Variants in IGSF5 observed in about 807,000 individuals in gnomAD.
IGSF5 encodes the protein immunoglobulin superfamily 5 like.
A neutral mutation model predicts 39.4 loss-of-function variants in IGSF5; 41 were observed. That is an observed-to-expected ratio of 1.04 (90% confidence interval 0.81 to 1.35). The LOEUF is 1.35. Among genes scored for constraint, IGSF5 ranks in the 40% most tolerant of loss-of-function variants. The pLI is 0.00. For synonymous variants in IGSF5, 183 were observed against 175.3 expected, an observed-to-expected ratio of 1.04 and a Z score of -0.34; for missense variants, 487 against 494.6, an observed-to-expected ratio of 0.98 and a Z score of 0.15.
At chr21:39,773,055 T>A (rs1478486797) in intron 4 of IGSF5, among the ~76,000 whole-genome samples, 1 of 152,178 alleles carries the variant, frequency 6.6e-6, no homozygotes, top group Non-Finnish European at 1.5e-5. Context: ...GGGATTGTTG[T>A]ACAAATTATT....
At chr21:39,745,598 T>C (rs2079970022) in intron 1 of IGSF5, 72 bp downstream of exon 1, 1 of 707,952 alleles carries the variant, frequency 1.4e-6, no homozygotes, top group Non-Finnish European at 2.6e-6. Context: ...CAGCTACTGC[T>C]GGGAGGTTGG....
the IGSF5 span, among the ~76,000 whole-genome samples, chr21:39,733,454 A>C: frequency 6.6e-6 from 1 of 152,254 alleles, no homozygotes; most frequent in Non-Finnish European, 1.5e-5. Context: ...GGTGCAACTT[A>C]GTGTTTAATA....
intron 5 of IGSF5, among the ~76,000 whole-genome samples, chr21:39,784,159 G>A (rs992714139): frequency 6.6e-6 from 1 of 152,200 alleles, no homozygotes; most frequent in African/African-American, 2.4e-5. Flanking sequence ...TAAATTAGAA[G>A]GGAAATTGTT....
intron 5 of IGSF5, among the ~76,000 whole-genome samples, chr21:39,785,555 C>T (rs2080196341): frequency 6.6e-6 from 1 of 152,152 alleles, no homozygotes; most frequent in South Asian, 2.1e-4. Context: ...TTTTTGGTTC[C>T]ATATGAACTT....
chr21:39,715,027 CT>C, the IGSF5 span, among the ~76,000 whole-genome samples: 4 of 144,138 alleles, frequency 2.8e-5, no homozygotes, highest in Non-Finnish European at 6.2e-5. Context: ...TCCTTCCTTC[CT>C]TTTTTCTCCC....
chr21:39,780,504 A>G (rs969402181), intron 5 of IGSF5, among the ~76,000 whole-genome samples: 1 of 152,228 alleles, frequency 6.6e-6, no homozygotes, highest in Non-Finnish European at 1.5e-5. Context: ...ATATCTACAT[A>G]TCTGAACATA....
chr21:39,765,550 A>G lies in IGSF5; in HGVS notation c.116A>G (p.Asn39Ser). Residue 39 changes from asparagine (N) to serine (S), a missense_variant, in exon 3 of 9, where the codon AAT becomes AGT. By Grantham distance (46) the Asn-to-Ser change is conservative. Transcript: ENST00000380588. ...TACCTTCCAGGTTCTGGGTCTGGTA[A>G]TGAAGTCATAGAAGGCCCCCAAAAT... The part of the protein sequence containing the change: ...TAVVDGSGSG[N>S]EVIEGPQNAR... 1 of 1,613,218 alleles carries G rather than the reference A, an allele frequency of 6.2e-7. No homozygotes were observed. Among genetic ancestry groups the G allele is most frequent in the Non-Finnish European group, 8.5e-7 (1 of 1,179,224 alleles).
the IGSF5 span, among the ~76,000 whole-genome samples, chr21:39,734,690 T>C: frequency 2.0e-5 from 3 of 152,134 alleles, no homozygotes; most frequent in Non-Finnish European, 4.4e-5. Flanking sequence ...CCACCAATTG[T>C]AATGGTAGAA....
At chr21:39,758,309 C>G (rs879795059) in intron 2 of IGSF5, among the ~76,000 whole-genome samples, 8 of 152,114 alleles carry the variant, frequency 5.3e-5, no homozygotes, top group Admixed American at 5.2e-4. Context: ...TGCATTGACT[C>G]GACTCCCAGA....
chr21:39,788,134 A>G (rs769390462), intron 5 of IGSF5, 33 bp from the exon 6 acceptor site: 20 of 1,556,054 alleles, frequency 1.3e-5, no homozygotes, highest in Non-Finnish European at 1.8e-5. Flanking sequence ...AAGTATCCCG[A>G]TTTTTCCAAT....
rs917962062 is a variant in IGSF5 at position 39,746,280 on chromosome 21, CA to C, written c.85del (p.Thr29GlnfsTer14). Reference protein sequence around the residue: ...WKSAAGLRWWQTAVVDGSGSG... With the variant: ...WKSAAGLRWWXTAVVDGSGSG... Reference sequence around the variant, plus strand: ...GTCAGCGGCGGGTCTGCGATGGTGGCAAACAGCAGTGGTGGACGGTGAGTGA... The same window carrying C: ...GTCAGCGGCGGGTCTGCGATGGTGGCAACAGCAGTGGTGGACGGTGAGTGA... On this transcript the variant is annotated frameshift_variant, in exon 2 of 9. Coordinates refer to ENST00000380588, the MANE Select transcript of IGSF5 (RefSeq NM_001080444.2). LOFTEE classifies it high-confidence loss of function. 1.1e-5 allele frequency: 8 copies of C among 701,096 alleles called. No individual in the cohort carries two copies. In the African/African-American group the frequency reaches 1.2e-4, roughly 11 times the overall value. 43.4% of individuals were successfully genotyped at this position (701,096 alleles called of 1,614,324 possible). A position where few individuals can be genotyped will look rare whatever the true frequency, so the allele number is the denominator to read the frequency against.
intron 4 of IGSF5, among the ~76,000 whole-genome samples, chr21:39,777,929 CA>C (rs1180138249): frequency 3.3e-5 from 5 of 152,156 alleles, no homozygotes; most frequent in Non-Finnish European, 2.9e-5. Flanking sequence ...CCATTGATTT[CA>C]AAGCAAACCC....
At position 39,746,199 on chromosome 21, in the gene IGSF5, G is replaced by A. The variant is rs1219064585; in HGVS notation, c.18-17G>A. On this transcript the variant is annotated splice_polypyrimidine_tract_variant and intron_variant, in intron 1 of 8. Transcript: ENST00000380588. ...TTAGCCTGATTGGAAGTGGCAATGG[G>A]CGCCTCACTGGATCAGGAGCACAGC... 2 of 701,702 alleles carry A rather than the reference G, an allele frequency of 2.9e-6. No homozygotes were observed. The highest frequency in any genetic ancestry group is 2.6e-6 in the Non-Finnish European group (1 of 384,752). The allele number at this position is 701,702 out of a possible 1,614,324, so 43.5% of individuals were successfully genotyped here.
At chr21:39,761,591 G>A (rs559603391) in intron 2 of IGSF5, among the ~76,000 whole-genome samples, 221 of 152,286 alleles carry the variant, frequency 1.5e-3, no homozygotes, top group Non-Finnish European at 2.4e-3. Flanking sequence ...ATTAAAAAAT[G>A]GGCAAAGGAC....
intron 3 of IGSF5, among the ~76,000 whole-genome samples, chr21:39,770,154 A>G (rs75730529): frequency 0.01 from 1,568 of 152,288 alleles, 35 homozygotes; most frequent in African/African-American, 0.036. Context: ...ACATTTCACT[A>G]AGGCTGTGTC....
chr21:39,765,597 C>A lies in IGSF5; in HGVS notation c.163C>A (p.Gln55Lys), dbSNP rs764696750. 1.3e-5 allele frequency: 21 copies of A among 1,614,104 alleles called. No individual in the cohort carries two copies. The highest frequency in any genetic ancestry group is 1.8e-5 in the Non-Finnish European group (21 of 1,179,974). The change falls in exon 3 of 9, where the codon CAG (glutamine) becomes AAG (lysine). Residue 55 changes from glutamine to lysine, a missense_variant. Transcript: ENST00000380588. ...PQNARVLKGS[Q>K]ARFNCTVSQG... Reference sequence around the variant, plus strand: ...AAATGCAAGAGTCCTGAAGGGCTCCCAGGCTCGCTTCAACTGCACCGTCTC... The same window carrying A: ...AAATGCAAGAGTCCTGAAGGGCTCCAAGGCTCGCTTCAACTGCACCGTCTC...
At chr21:39,778,999 T>C (rs1359945570) in intron 4 of IGSF5, 91 bp from the exon 5 acceptor site, 4 of 1,459,678 alleles carry the variant, frequency 2.7e-6, no homozygotes, top group Non-Finnish European at 3.7e-6. Flanking sequence ...GTTATAATAT[T>C]ACTAGAAAAC....
At chr21:39,721,342 A>G in the IGSF5 span, among the ~76,000 whole-genome samples, 1 of 152,158 alleles carries the variant, frequency 6.6e-6, no homozygotes, top group South Asian at 2.1e-4. Context: ...ACAGCCCCCT[A>G]CAAAGTACCT....
At chr21:39,740,149 T>C in the IGSF5 span, among the ~76,000 whole-genome samples, 2 of 152,248 alleles carry the variant, frequency 1.3e-5, no homozygotes, top group African/African-American at 4.8e-5. Flanking sequence ...ATTCTATTTC[T>C]TCTTCTGAAT....
Sources: gnomAD v4.1 joint callset for allele counts (sites outside exome capture counted in the v4.1 genomes callset) on GRCh38, gnomAD v4.1.1 for gene constraint, MANE v1.5 for transcripts, NCBI Gene and HGNC (gene_info 2026-07-23, HGNC 2026-07-21) for gene names.